The following MYO7B variants were observed in gnomAD, a reference collection of about 807,000 sequenced individuals.
MYO7B encodes myosin VIIB, also known as unconventional myosin-VIIb.
In MYO7B, 212 loss-of-function variants were observed where a neutral mutation model predicts 259.7. That is an observed-to-expected ratio of 0.82 (90% CI 0.73 to 0.91). The LOEUF is 0.91. MYO7B is among the 40% of genes least tolerant of loss of function. The probability of loss-of-function intolerance (pLI) is 0.00; values close to 1 mark genes in which losing one functional copy is unlikely to be tolerated. For missense variants in MYO7B, 2,732 were observed against 2,813.5 expected (o/e 0.97, Z 0.66); for synonymous variants, 1,197 against 1,166.4 (o/e 1.03, Z -0.54).
intron 15 of MYO7B, 74 bp downstream of exon 15, chr2:127,588,629 A>G: frequency 1.3e-6 from 2 of 1,563,550 alleles, no homozygotes; most frequent in Admixed American, 3.5e-5. Flanking sequence ...TACAGGAAAG[A>G]CTGTTTTACT....
intron 19 of MYO7B, among the ~76,000 whole-genome samples, chr2:127,605,638 C>A (rs1375099213): frequency 6.6e-6 from 1 of 152,190 alleles, no homozygotes; most frequent in Non-Finnish European, 1.5e-5. Flanking sequence ...TCATCATCCA[C>A]AAATTTGGGT....
At chr2:127,635,601 C>A in intron 43 of MYO7B, 121 bp from the exon 44 acceptor site, 1 of 1,095,248 alleles carries the variant, frequency 9.1e-7, no homozygotes, top group South Asian at 1.6e-5. Context: ...CTCTACCCTG[C>A]TCAGTCCGTC....
intron 41 of MYO7B, 75 bp from the exon 42 acceptor site, chr2:127,634,521 A>C (rs548119081): frequency 9.6e-6 from 13 of 1,352,356 alleles, no homozygotes; most frequent in East Asian, 7.4e-5. Context: ...CGGCCACTGG[A>C]CCAGAACCCA....
chr2:127,593,360 G>A lies in MYO7B; in HGVS notation c.2146-186G>A, dbSNP rs575696071. On this transcript the variant is annotated intron_variant, in intron 17 of 47. Transcript: ENST00000409816. ...GAGTCCCACAGCACATGGAGGCCCCGGGCCCCGAGTTCCCTCCTCACCCCA... is the reference window on the plus strand; with the variant it reads ...GAGTCCCACAGCACATGGAGGCCCCAGGCCCCGAGTTCCCTCCTCACCCCA... 1.4e-4 allele frequency among the ~76,000 whole-genome samples: 21 copies of A among 152,034 alleles called. No individual in the cohort carries two copies. In the South Asian group the frequency reaches 3.7e-3, roughly 27 times the overall value.
chr2:127,625,564 C>T (rs779970028), intron 31 of MYO7B, 29 bp downstream of exon 31: 81 of 1,554,146 alleles, frequency 5.2e-5, no homozygotes, highest in Non-Finnish European at 6.9e-5. Context: ...CAGGCACCCA[C>T]CCGAGGGCTC....
intron 15 of MYO7B, 93 bp downstream of exon 15, chr2:127,588,648 G>C: frequency 6.7e-7 from 1 of 1,498,988 alleles, no homozygotes. Flanking sequence ...CTCACCTCTG[G>C]GTCCACAGCA....
intron 27 of MYO7B, 131 bp downstream of exon 27, chr2:127,620,597 G>GCCT: frequency 8.8e-7 from 1 of 1,140,782 alleles, no homozygotes; most frequent in Non-Finnish European, 1.2e-6. Flanking sequence ...AGGCCAGATG[G>GCCT]GCAGCCATGC....
At chr2:127,620,037 T>C (rs1235313081) in intron 26 of MYO7B, 3 of 227,392 alleles carry the variant, frequency 1.3e-5, no homozygotes, top group African/African-American at 4.5e-5. Context: ...TGGGAGCAGA[T>C]GGGCTGTGCA....
At position 127,613,003 on chromosome 2, in the gene MYO7B, C is replaced by A. The variant is rs570524398; in HGVS notation, c.3398+400C>A. Reference sequence around the variant, plus strand: ...GCCTGCAAACACTGCAGTTCCCATCCGTGTTGGCTGAATGCGTAGAAGCAG... The same window carrying A: ...GCCTGCAAACACTGCAGTTCCCATCAGTGTTGGCTGAATGCGTAGAAGCAG... On this transcript the variant is annotated intron_variant, in intron 26 of 47. Coordinates refer to ENST00000409816, the MANE Select transcript of MYO7B (RefSeq NM_001393586.1). The surrounding 1 kb of genome is among the most constrained non-coding windows in gnomAD (Gnocchi z 4.3). 6.6e-6 allele frequency among the ~76,000 whole-genome samples: 1 copy of A among 152,198 alleles called. No homozygotes were observed. The highest frequency in any genetic ancestry group is 1.5e-5 in the Non-Finnish European group (1 of 68,036).
chr2:127,616,408 G>C (rs1680573476), intron 26 of MYO7B, among the ~76,000 whole-genome samples: 1 of 152,128 alleles, frequency 6.6e-6, no homozygotes, highest in Non-Finnish European at 1.5e-5. Context: ...ACGTAGAGAA[G>C]GGTACAATTT....
rs1206996618 is a variant in MYO7B at position 127,612,255 on chromosome 2, T to A, written c.3198T>A (p.Ser1066=). The change falls in exon 25 of 48, where the codon TCT becomes TCA. Residue 1066 remains serine (S), a synonymous_variant. Coordinates refer to ENST00000409816, the MANE Select transcript of MYO7B (RefSeq NM_001393586.1). ...GGAACTGTCTCCCTCCACAGAGATC[T>A]GGCTGCAAGGACAAGGGGACCAAGG... ...VPQHSRSAQR[S]GCKDKGTKDI... 1.5e-6 allele frequency: 1 copy of A among 663,078 alleles called. No homozygotes were observed. Among genetic ancestry groups the A allele is most frequent in the African/African-American group, 1.8e-5 (1 of 56,262 alleles). The allele number at this position is 663,078 out of a possible 1,614,324, so 41.1% of individuals were successfully genotyped here.
Position 127,636,435 on chromosome 2 carries a change from C to T in MYO7B, c.6124-110C>T. 1 of 1,428,168 alleles carries T rather than the reference C, an allele frequency of 7.0e-7. No homozygotes were observed. Among genetic ancestry groups the T allele is most frequent in the Non-Finnish European group, 9.8e-7 (1 of 1,025,486 alleles). 88.5% of individuals were successfully genotyped at this position (1,428,168 alleles called of 1,614,324 possible). ...ATCTTGGGTGGGGCTGGCCGTGAGG[C>T]TGGAGGGCGTGGGTGTATGTGTGTA... On this transcript the variant is annotated intron_variant, in intron 45 of 47. Coordinates refer to ENST00000409816, the MANE Select transcript of MYO7B (RefSeq NM_001393586.1). This position sits in a 1 kb window ranked among gnomAD's most constrained non-coding sequence, Gnocchi z 4.5.
At chr2:127,569,948 C>G in intron 6 of MYO7B, 38 bp downstream of exon 6, 1 of 1,586,210 alleles carries the variant, frequency 6.3e-7, no homozygotes, top group Non-Finnish European at 8.6e-7. Context: ...CTCCCCCAGC[C>G]CCCCTGGAGC....
Position 127,576,470 on chromosome 2 carries a change from A to C in MYO7B, c.736-125A>C, listed in dbSNP as rs1472585959. 6.9e-6 allele frequency: 4 copies of C among 582,230 alleles called. 1 individual carries two copies. The highest frequency in any genetic ancestry group is 5.8e-5 in the African/African-American group (3 of 51,978). The allele number at this position is 582,230 out of a possible 1,614,324, so 36.1% of individuals were successfully genotyped here. A position where few individuals can be genotyped will look rare whatever the true frequency, so the allele number is the denominator to read the frequency against. ...CAGGCTGGCCCTGGGTCAGTGCCAG[A>C]GCTGCTCCTGGCTGAGAGATGTGGA... On this transcript the variant is annotated intron_variant, in intron 7 of 47. Coordinates refer to ENST00000409816, the MANE Select transcript of MYO7B (RefSeq NM_001393586.1). This position sits in a 1 kb window ranked among gnomAD's most constrained non-coding sequence, Gnocchi z 4.9.
At chr2:127,542,065 C>T (rs1288129406) in intron 1 of MYO7B, among the ~76,000 whole-genome samples, 1 of 152,246 alleles carries the variant, frequency 6.6e-6, no homozygotes, top group Non-Finnish European at 1.5e-5. Context: ...GGAGGGAGCC[C>T]TCATGGTGAT....
At position 127,565,304 on chromosome 2, in the gene MYO7B, C is replaced by A. The variant is rs764867138; in HGVS notation, c.204C>A (p.Asp68Glu). 6.2e-7 allele frequency: 1 copy of A among 1,614,010 alleles called. No homozygotes were observed. Among genetic ancestry groups the A allele is most frequent in the Non-Finnish European group, 8.5e-7 (1 of 1,179,880 alleles). Residue 68 changes from aspartate (D) to glutamate (E), a missense_variant, in exon 4 of 48, where the codon GAC (aspartate) becomes GAA (glutamate). Asp to Glu is a conservative substitution (Grantham distance 45). Coordinates refer to ENST00000409816, the MANE Select transcript of MYO7B (RefSeq NM_001393586.1). ...PMHPNSVQGV[D>E]DMIRLGDLNE... is the part of the protein sequence containing the mutation. ...ACCCCAACTCAGTCCAGGGTGTGGA[C>A]GACATGATCCGCCTGGGGGACCTGA...
chr2:127,616,755 G>A (rs1680585051), intron 26 of MYO7B, among the ~76,000 whole-genome samples: 1 of 152,184 alleles, frequency 6.6e-6, no homozygotes, highest in Non-Finnish European at 1.5e-5. Flanking sequence ...GCAGAGCTGT[G>A]GCCTGGATGG....
At chr2:127,587,568 CT>C (rs61624532) in intron 14 of MYO7B, among the ~76,000 whole-genome samples, 35,953 of 122,100 alleles carry the variant, frequency 0.29, 4,991 homozygotes, top group East Asian at 0.58. Context: ...TTCTTTCTTT[CT>C]TTTTTTTTTT....
rs1310176663 is a variant in MYO7B at position 127,607,376 on chromosome 2, T to C, written c.2595T>C (p.His865=). 2.6e-6 allele frequency: 4 copies of C among 1,551,264 alleles called. No homozygotes were observed. Among genetic ancestry groups the C allele is most frequent in the South Asian group, 2.4e-5 (2 of 84,056 alleles). The change falls in exon 21 of 48, where the codon CAT becomes CAC. Residue 865 remains histidine, a synonymous_variant. Coordinates refer to ENST00000409816, the MANE Select transcript of MYO7B (RefSeq NM_001393586.1). The surrounding 1 kb of genome is among the most constrained non-coding windows in gnomAD (Gnocchi z 4.4). Reference sequence around the variant, plus strand: ...GGGCAGTGGTGGTCATTCAGGCCCATGCCAGGGGCATGGCTGCCCGGCGCA... The same window carrying C: ...GGGCAGTGGTGGTCATTCAGGCCCACGCCAGGGGCATGGCTGCCCGGCGCA... ...KRRAVVVIQA[H]ARGMAARRNF...
Sources: gnomAD v4.1 joint callset for allele counts (sites outside exome capture counted in the v4.1 genomes callset) on GRCh38, gnomAD v4.1.1 for gene constraint, Gnocchi (gnomAD v3.1) non-coding constraint, MANE v1.5 for transcripts, NCBI Gene and HGNC (gene_info 2026-07-23, HGNC 2026-07-21) for gene names.